The following CDH13 variants were observed in gnomAD, a reference collection of about 807,000 sequenced individuals.
CDH13 encodes cadherin-13.
A neutral mutation model predicts 63.8 loss-of-function variants in CDH13; 24 were observed. The ratio of observed to expected loss-of-function variants is 0.38; its 90% confidence interval spans 0.27 to 0.53. The LOEUF is 0.53. CDH13 is among the 20% of genes least tolerant of loss of function. The pLI, the probability that CDH13 is intolerant of heterozygous loss-of-function variation, is 0.85. For missense variants in CDH13, 1,049 were observed against 903.1 expected (o/e 1.16, Z -2.07); for synonymous variants, 503 against 355.3 (o/e 1.42, Z -4.67).
chr16:82,675,441 A>G (rs1473595752), intron 1 of CDH13, among the ~76,000 whole-genome samples: 1 of 152,222 alleles, frequency 6.6e-6, no homozygotes, highest in Non-Finnish European at 1.5e-5. Flanking sequence ...GTAAAAACAC[A>G]GCTTTTCCAG....
At chr16:82,708,605 TCTTA>T (rs2031675573) in intron 1 of CDH13, among the ~76,000 whole-genome samples, 2 of 152,188 alleles carry the variant, frequency 1.3e-5, no homozygotes, top group East Asian at 1.9e-4. Context: ...ACTGGTATCT[TCTTA>T]CTTGTCTCTT....
chr16:82,968,472 G>T (rs1019360251), intron 2 of CDH13, among the ~76,000 whole-genome samples: 1 of 152,206 alleles, frequency 6.6e-6, no homozygotes, highest in Non-Finnish European at 1.5e-5. Flanking sequence ...CTCCTAAGAA[G>T]CATACTCATG....
chr16:83,219,751 T>G (rs558980283), intron 5 of CDH13, among the ~76,000 whole-genome samples: 8 of 152,236 alleles, frequency 5.3e-5, no homozygotes, highest in Admixed American at 1.3e-4. Context: ...ATTCATTCAT[T>G]TTACATACAT....
At chr16:83,491,772 A>C (rs1397922560) in intron 7 of CDH13, among the ~76,000 whole-genome samples, 1 of 152,164 alleles carries the variant, frequency 6.6e-6, no homozygotes, top group Non-Finnish European at 1.5e-5. Flanking sequence ...CTGCCCGTGA[A>C]AATGTACATA....
At chr16:83,186,897 T>A (rs533744539) in intron 4 of CDH13, among the ~76,000 whole-genome samples, 1 of 152,254 alleles carries the variant, frequency 6.6e-6, no homozygotes, top group East Asian at 1.9e-4. Context: ...GTGAAGGTGG[T>A]GAAGGGCAGA....
intron 1 of CDH13, among the ~76,000 whole-genome samples, chr16:82,837,022 G>A (rs1221772628): frequency 6.6e-6 from 1 of 152,188 alleles, no homozygotes; most frequent in Non-Finnish European, 1.5e-5. Flanking sequence ...AGCTTTGCTG[G>A]AGCATCTCAT....
chr16:83,701,295 A>G (rs548453292), intron 10 of CDH13, among the ~76,000 whole-genome samples: 2 of 152,348 alleles, frequency 1.3e-5, no homozygotes, highest in East Asian at 3.9e-4. Flanking sequence ...GAATGGGGCC[A>G]TCGGGTGGCT....
chr16:83,435,635 G>A (rs1314401861), intron 6 of CDH13, among the ~76,000 whole-genome samples: 12 of 152,134 alleles, frequency 7.9e-5, no homozygotes, highest in Non-Finnish European at 1.8e-4. Flanking sequence ...CTCTCTGTCT[G>A]AGTTGCTTTT....
At chr16:82,738,259 G>A (rs982987315) in intron 1 of CDH13, among the ~76,000 whole-genome samples, 7 of 152,164 alleles carry the variant, frequency 4.6e-5, no homozygotes, top group African/African-American at 4.8e-5. Context: ...AAAAATAAAC[G>A]TAACTGCATG....
intron 7 of CDH13, among the ~76,000 whole-genome samples, chr16:83,507,822 C>G (rs1598180994): frequency 6.7e-6 from 1 of 149,526 alleles, no homozygotes; most frequent in African/African-American, 2.5e-5. Flanking sequence ...ATCATGGGCT[C>G]AGGAGTTCGA....
intron 1 of CDH13, among the ~76,000 whole-genome samples, chr16:82,686,294 G>A (rs892435766): frequency 2.0e-5 from 3 of 152,182 alleles, no homozygotes; most frequent in Admixed American, 6.5e-5. Flanking sequence ...AGCAGTGGTA[G>A]ATCTTTGAAT....
intron 2 of CDH13, among the ~76,000 whole-genome samples, chr16:83,024,494 G>C (rs533814873): frequency 2.4e-4 from 37 of 152,264 alleles, no homozygotes; most frequent in African/African-American, 8.9e-4. Context: ...CCTCAGGAGT[G>C]TGGGCTCTAG....
chr16:82,779,459 C>T (rs781239169), intron 1 of CDH13, among the ~76,000 whole-genome samples: 3 of 152,180 alleles, frequency 2.0e-5, no homozygotes, highest in Non-Finnish European at 4.4e-5. Flanking sequence ...AGAAAACATT[C>T]TTGTTCCCTT....
At chr16:82,780,343 C>G (rs1462833362) in intron 1 of CDH13, among the ~76,000 whole-genome samples, 1 of 152,128 alleles carries the variant, frequency 6.6e-6, no homozygotes, top group African/African-American at 2.4e-5. Context: ...CTCCCTTGCT[C>G]TCTGATAAAA....
At chr16:82,675,319 A>G (rs1309774899) in intron 1 of CDH13, among the ~76,000 whole-genome samples, 3 of 152,324 alleles carry the variant, frequency 2.0e-5, no homozygotes, top group South Asian at 2.1e-4. Flanking sequence ...TTATTTCTCT[A>G]TATTATATGG....
chr16:83,623,685 A>G (rs761875451), intron 8 of CDH13, among the ~76,000 whole-genome samples: 2 of 152,222 alleles, frequency 1.3e-5, no homozygotes, highest in Non-Finnish European at 2.9e-5. Flanking sequence ...TGTCTGGTCT[A>G]TAATAACCAC....
At chr16:83,326,612 C>A (rs1376065575) in intron 5 of CDH13, among the ~76,000 whole-genome samples, 1 of 152,014 alleles carries the variant, frequency 6.6e-6, no homozygotes, top group Non-Finnish European at 1.5e-5. Flanking sequence ...TAGTGGCATG[C>A]TTGCTGTGCC....
intron 1 of CDH13, among the ~76,000 whole-genome samples, chr16:82,667,146 C>T (rs1209232758): frequency 6.6e-6 from 1 of 152,178 alleles, no homozygotes; most frequent in Admixed American, 6.5e-5. Context: ...GCCTCACCTC[C>T]TAGCAGCTGG....
chr16:82,713,344 A>T (rs899842578), intron 1 of CDH13, among the ~76,000 whole-genome samples: 2 of 152,124 alleles, frequency 1.3e-5, no homozygotes, highest in Non-Finnish European at 2.9e-5. Flanking sequence ...GAACTAGGAT[A>T]TCCATCAAGC....
Sources: allele counts gnomAD v4.1 joint callset (sites outside exome capture counted in the v4.1 genomes callset), GRCh38; gene constraint gnomAD v4.1.1; transcripts MANE v1.5; gene names NCBI Gene and HGNC (gene_info 2026-07-23, HGNC 2026-07-21).